The following SEMA3A variants were observed in gnomAD, a reference collection of about 807,000 sequenced individuals.
The protein encoded by SEMA3A is semaphorin-3A.
In SEMA3A, 29 loss-of-function variants were observed where a neutral mutation model predicts 97.9. The observed-to-expected ratio is 0.30, with a 90% CI of 0.22 to 0.40. The LOEUF is 0.40. Ranked by LOEUF, SEMA3A falls within the 10% of genes least tolerant of loss-of-function variation. The probability of loss-of-function intolerance (pLI) is 1.00; values close to 1 mark genes in which losing one functional copy is unlikely to be tolerated. For missense variants in SEMA3A, 763 were observed against 951.3 expected (o/e 0.80, Z 2.60); for synonymous variants, 321 against 323.7 (o/e 0.99, Z 0.09).
At chr7:84,318,602 G>A (rs796827422) in intron 2 of SEMA3A, among the ~76,000 whole-genome samples, 4 of 152,208 alleles carry the variant, frequency 2.6e-5, no homozygotes, top group African/African-American at 9.6e-5. Context: ...GATTACAGGC[G>A]TGAGCCATCG....
intron 5 of SEMA3A, among the ~76,000 whole-genome samples, chr7:84,057,118 C>G (rs1354204072): frequency 2.0e-5 from 3 of 152,166 alleles, no homozygotes; most frequent in African/African-American, 7.2e-5. Flanking sequence ...AAATTATGCT[C>G]TTTCCTGAGA....
intron 2 of SEMA3A, among the ~76,000 whole-genome samples, chr7:84,323,659 A>G (rs1182730262): frequency 2.6e-5 from 4 of 152,204 alleles, no homozygotes; most frequent in Non-Finnish European, 1.5e-5. Flanking sequence ...ACAATGAACT[A>G]TAGTTCTTTA....
chr7:84,190,058 A>G (rs1797994883), intron 1 of SEMA3A, among the ~76,000 whole-genome samples: 1 of 151,758 alleles, frequency 6.6e-6, no homozygotes, highest in South Asian at 2.1e-4. Flanking sequence ...TTAAGTTGTT[A>G]GTGACTGAAT....
At chr7:84,296,478 T>G (rs1250998252) in intron 3 of SEMA3A, among the ~76,000 whole-genome samples, 1 of 152,184 alleles carries the variant, frequency 6.6e-6, no homozygotes, top group African/African-American at 2.4e-5. Flanking sequence ...CAGGTCTCAT[T>G]GCTTTCTTGA....
At chr7:84,353,950 T>C (rs1409348876) in intron 2 of SEMA3A, among the ~76,000 whole-genome samples, 1 of 151,670 alleles carries the variant, frequency 6.6e-6, no homozygotes, top group Non-Finnish European at 1.5e-5. Context: ...TTCTTTTATA[T>C]GTCAGTTACC....
At chr7:84,333,062 T>C (rs182753384) in intron 2 of SEMA3A, among the ~76,000 whole-genome samples, 3 of 152,246 alleles carry the variant, frequency 2.0e-5, no homozygotes, top group African/African-American at 7.2e-5. Context: ...CCTCCATTGA[T>C]ACTATTTTTG....
chr7:84,350,912 G>C lies in SEMA3A; in HGVS notation c.-169+20912C>G, dbSNP rs542652088. Among the ~76,000 whole-genome samples the C allele has an allele frequency of 3.9e-5, 6 of 152,118 alleles. 1 individual carries two copies. On this transcript the variant is annotated intron_variant, in intron 2 of 3. Transcript: ENST00000424555. ...TGACACTTGGTGTCCTTGAAGAGTT[G>C]CTTGTGATTGCGAAGTGTAAAAGTA...
At chr7:84,287,000 C>T (rs1226588924) in intron 3 of SEMA3A, among the ~76,000 whole-genome samples, 1 of 152,058 alleles carries the variant, frequency 6.6e-6, no homozygotes, top group Non-Finnish European at 1.5e-5. Context: ...ATAACATGCA[C>T]ACAGAACAAG....
rs1562945573 is a variant in SEMA3A at position 84,430,789 on chromosome 7, T to TGTGTG, written c.-245-58890_-245-58889insCACAC. Among the ~76,000 whole-genome samples, 74 of 143,434 alleles carry TGTGTG rather than the reference T, an allele frequency of 5.2e-4. 1 individual carries two copies. In the East Asian group the frequency reaches 0.011, roughly 21 times the overall value. The allele number at this position is 143,434 out of a possible 152,430, so 94.1% of individuals were successfully genotyped here. A position where few individuals can be genotyped will look rare whatever the true frequency, so the allele number is the denominator to read the frequency against. On this transcript the variant is annotated intron_variant, in intron 1 of 3. Transcript: ENST00000424555. ...CTTCTATACCTACACAACATAAAAT[T>TGTGTG]TGTGTGTGTGTGTGTGTGTGTGTGT...
intron 6 of SEMA3A, among the ~76,000 whole-genome samples, chr7:84,019,647 T>G (rs1048360574): frequency 6.6e-6 from 1 of 152,194 alleles, no homozygotes; most frequent in African/African-American, 2.4e-5. Context: ...ACTAGAGGAC[T>G]TTTTCAATGG....
chr7:84,127,697 G>A (rs1795841696), intron 3 of SEMA3A, among the ~76,000 whole-genome samples: 1 of 152,164 alleles, frequency 6.6e-6, no homozygotes, highest in African/African-American at 2.4e-5. Context: ...ATTGCTGCTA[G>A]ATTGAGTCAG....
At chr7:84,442,886 A>G (rs1805306741) in intron 1 of SEMA3A, among the ~76,000 whole-genome samples, 1 of 152,172 alleles carries the variant, frequency 6.6e-6, no homozygotes, top group Non-Finnish European at 1.5e-5. Context: ...GAAGAATATT[A>G]TGTTGATGAA....
chr7:84,208,390 T>C (rs999899270), intron 3 of SEMA3A, among the ~76,000 whole-genome samples: 1 of 130,232 alleles, frequency 7.7e-6, no homozygotes, highest in Non-Finnish European at 1.8e-5. Flanking sequence ...AGGCGGAGCT[T>C]GCAGTGAGCC....
At chr7:84,424,524 T>C (rs10268422) in intron 1 of SEMA3A, among the ~76,000 whole-genome samples, 5 of 43,488 alleles carry the variant, frequency 1.1e-4, no homozygotes, top group African/African-American at 5.3e-4. Flanking sequence ...TAATATATGT[T>C]ATATATAATA....
intron 1 of SEMA3A, among the ~76,000 whole-genome samples, chr7:84,143,892 T>C (rs1584031331): frequency 6.7e-6 from 1 of 148,576 alleles, no homozygotes; most frequent in Non-Finnish European, 1.5e-5. Context: ...TCAACTAACA[T>C]GGGCAAGCCA....
rs557038081 is a variant in SEMA3A, at chr7:83,985,270, C to A, written c.1494+166G>T. Among the ~76,000 whole-genome samples the A allele has an allele frequency of 1.1e-4, 17 of 152,178 alleles. No homozygotes were observed. In the East Asian group the frequency reaches 2.9e-3, roughly 26 times the overall value. On this transcript the variant is annotated intron_variant, in intron 13 of 16. Coordinates refer to ENST00000265362, the MANE Select transcript of SEMA3A (RefSeq NM_006080.3). The stretch of plus-strand genomic sequence containing the variant: ...AAAACATGAGGGCAATGAAAACTAT[C>A]TTCAGTTTCTAATCTACTAGCTTAT...
In SEMA3A at chr7:83,959,101, G is replaced by C. The variant is rs960569717; in HGVS notation, c.*2270C>G. 6.6e-6 allele frequency: 1 copy of C among 151,930 alleles called. No homozygotes were observed. Among genetic ancestry groups the C allele is most frequent in the African/African-American group, 2.4e-5 (1 of 41,418 alleles). 9.4% of individuals were successfully genotyped at this position (151,930 alleles called of 1,614,324 possible). A position where few individuals can be genotyped will look rare whatever the true frequency, so the allele number is the denominator to read the frequency against. On this transcript the variant is annotated 3_prime_UTR_variant, in exon 17 of 17. Transcript: ENST00000265362. ...CATGCCTGTAGATTTGTTTGTTTGT[G>C]TAACTTTTAATTGAAGTCGAGACTT...
chr7:84,149,704 A>G (rs778990452), intron 1 of SEMA3A, among the ~76,000 whole-genome samples: 9 of 152,256 alleles, frequency 5.9e-5, no homozygotes, highest in Non-Finnish European at 1.2e-4. Context: ...AAGGCAAAAC[A>G]AAAACAAAAC....
chr7:84,051,629 C>T (rs1283578839), intron 5 of SEMA3A, among the ~76,000 whole-genome samples: 1 of 152,136 alleles, frequency 6.6e-6, no homozygotes, highest in African/African-American at 2.4e-5. Flanking sequence ...ATGGGGTTTT[C>T]TAGATATACG....
Sources: gnomAD v4.1 joint callset for allele counts (sites outside exome capture counted in the v4.1 genomes callset) on GRCh38, gnomAD v4.1.1 for gene constraint, MANE v1.5 for transcripts, NCBI Gene and HGNC (gene_info 2026-07-23, HGNC 2026-07-21) for gene names.